RHEB: variants seen among roughly 807,000 people sequenced by gnomAD.
The protein encoded by RHEB is GTP-binding protein Rheb.
RHEB carries 2 observed loss-of-function variants against 28.8 expected under a neutral mutation model. The ratio of observed to expected loss-of-function variants is 0.07; its 90% CI spans 0.03 to 0.22. The LOEUF (loss-of-function observed/expected upper bound fraction) is 0.22, where lower values mean the gene tolerates loss of function less well. Among genes scored for constraint, RHEB ranks in the 10% least tolerant of loss-of-function variants. The probability of loss-of-function intolerance (pLI) is 1.00; values close to 1 mark genes in which losing one functional copy is unlikely to be tolerated. For synonymous variants in RHEB, 69 were observed against 77.3 expected (o/e 0.89, Z 0.56); for missense variants, 76 against 219.9 (o/e 0.35, Z 4.14).
chr7:151,499,099 G>T (rs1435581080), intron 1 of RHEB, among the ~76,000 whole-genome samples: 1 of 152,234 alleles, frequency 6.6e-6, no homozygotes, highest in African/African-American at 2.4e-5. Flanking sequence ...AGACACAGTG[G>T]CTTAGGCTTG....
intron 2 of RHEB, among the ~76,000 whole-genome samples, chr7:151,490,725 C>T (rs1802565424): frequency 1.3e-5 from 2 of 152,166 alleles, no homozygotes. Flanking sequence ...CAGACTCCTA[C>T]TGACTTGAAT....
intron 1 of RHEB, among the ~76,000 whole-genome samples, chr7:151,497,387 C>G (rs2299966): frequency 0.017 from 2,579 of 152,240 alleles, 56 homozygotes; most frequent in East Asian, 0.12. Context: ...AACAAGCCCC[C>G]TAGGTGATTC....
At chr7:151,467,318 G>C in intron 7 of RHEB, 107 bp from the exon 8 acceptor site, 2 of 788,220 alleles carry the variant, frequency 2.5e-6, no homozygotes, top group Non-Finnish European at 4.4e-6. Context: ...CCTACTGGTG[G>C]AGGAGGAGGG....
At position 151,512,038 on chromosome 7, in the gene RHEB, G is replaced by C. The variant is rs143828634; in HGVS notation, c.52+7422C>G. On this transcript the variant is annotated intron_variant, in intron 1 of 7. Transcript: ENST00000262187. ...CAGTTAGCAAGAATGACGTGACGAA[G>C]ATAGACCGTGAGTACTGTATCAATG... is the stretch of plus-strand genomic sequence containing the variant. Among the ~76,000 whole-genome samples, 544 of 152,318 alleles carry C rather than the reference G, an allele frequency of 3.6e-3. 2 individuals are homozygous for C. The highest frequency in any genetic ancestry group is 0.013 in the African/African-American group (526 of 41,582).
chr7:151,477,004 T>G (rs1259564645), intron 4 of RHEB, among the ~76,000 whole-genome samples: 1 of 152,246 alleles, frequency 6.6e-6, no homozygotes, highest in African/African-American at 2.4e-5. Flanking sequence ...GAAAGTCTAT[T>G]TCACCTTAAT....
chr7:151,470,664 A>G lies in RHEB; in HGVS notation c.381-12T>C. On this transcript the variant is annotated splice_polypyrimidine_tract_variant and intron_variant, in intron 6 of 7. Transcript: ENST00000262187. Reference sequence around the variant, plus strand: ...CATAACTGATCACCCTAAAGAAAAAATAAAATTCTAGTTAAAGTACTTTGC... The same window carrying G: ...CATAACTGATCACCCTAAAGAAAAAGTAAAATTCTAGTTAAAGTACTTTGC... 6.4e-7 allele frequency: 1 copy of G among 1,573,440 alleles called. No individual in the cohort carries two copies.
At chr7:151,484,326 A>G (rs1189137341) in intron 3 of RHEB, among the ~76,000 whole-genome samples, 2 of 152,246 alleles carry the variant, frequency 1.3e-5, no homozygotes, top group Admixed American at 1.3e-4. Flanking sequence ...CTATCCTGTA[A>G]TAAGTATTAA....
chr7:151,486,057 T>C (rs1052667310), intron 2 of RHEB, among the ~76,000 whole-genome samples: 10 of 152,218 alleles, frequency 6.6e-5, no homozygotes, highest in Admixed American at 3.3e-4. Flanking sequence ...CAGATTTGTT[T>C]TTACACCTTA....
rs1803031700 is a variant in RHEB at position 151,513,871 on chromosome 7, G to A, written c.52+5589C>T. Among the ~76,000 whole-genome samples, 4 of 152,264 alleles carry A rather than the reference G, an allele frequency of 2.6e-5. No homozygotes were observed. In the South Asian group the frequency reaches 8.3e-4, roughly 32 times the overall value. ...AACCGTGAAACACCTTATCAAAATT[G>A]CAGTTGCTTTTTTGGCAGAAACTGG... On this transcript the variant is annotated intron_variant, in intron 1 of 7. Coordinates refer to ENST00000262187, the MANE Select transcript of RHEB (RefSeq NM_005614.4).
intron 4 of RHEB, 61 bp from the exon 5 acceptor site, chr7:151,471,666 T>G: frequency 9.2e-7 from 1 of 1,083,840 alleles, no homozygotes. Context: ...TAAATGTATG[T>G]TATGTTGCCA....
chr7:151,471,210 GCT>G (rs1200803654), intron 6 of RHEB, among the ~76,000 whole-genome samples, 182 bp downstream of exon 6: 4 of 152,166 alleles, frequency 2.6e-5, no homozygotes, highest in African/African-American at 9.7e-5. Flanking sequence ...TATAAAGTTT[GCT>G]CTCTCTTTTC....
intron 1 of RHEB, among the ~76,000 whole-genome samples, chr7:151,510,647 T>C (rs1464022089): frequency 6.6e-6 from 1 of 152,204 alleles, no homozygotes; most frequent in African/African-American, 2.4e-5. Flanking sequence ...TTTATTCAAA[T>C]GCTTAATGAA....
Position 151,516,391 on chromosome 7 carries a change from G to A in RHEB, c.52+3069C>T, listed in dbSNP as rs573454307. On this transcript the variant is annotated intron_variant, in intron 1 of 7. Coordinates refer to ENST00000262187, the MANE Select transcript of RHEB (RefSeq NM_005614.4). ...TGTAATCCCAGCACTTAGGGAGGCC[G>A]AGGCAGGTGGATCACGAGGTCAGGA... Among the ~76,000 whole-genome samples, 319 of 152,128 alleles carry A rather than the reference G, an allele frequency of 2.1e-3. 1 individual carries two copies. The highest frequency in any genetic ancestry group is 7.2e-3 in the African/African-American group (300 of 41,486).
chr7:151,483,104 T>C (rs1338573931), intron 3 of RHEB, among the ~76,000 whole-genome samples: 1 of 152,186 alleles, frequency 6.6e-6, no homozygotes, highest in Non-Finnish European at 1.5e-5. Context: ...AGGAGGCACA[T>C]GCTATAGCTC....
At position 151,489,011 on chromosome 7, in the gene RHEB, G is replaced by C. The variant is rs551164880; in HGVS notation, c.124+1932C>G. ...GCTGGAGTACAGTGACATGATTACA[G>C]ATCACTGCAGCCTCAAACTCCTGGG... On this transcript the variant is annotated intron_variant, in intron 2 of 7. Transcript: ENST00000262187. 5.9e-5 allele frequency among the ~76,000 whole-genome samples: 9 copies of C among 152,264 alleles called. No individual in the cohort carries two copies. The East Asian group carries it at 1.7e-3, about 29-fold the overall frequency.
At chr7:151,498,469 A>C (rs1183858384) in intron 1 of RHEB, among the ~76,000 whole-genome samples, 4 of 151,312 alleles carry the variant, frequency 2.6e-5, no homozygotes, top group Non-Finnish European at 5.9e-5. Context: ...AAAAAAATAC[A>C]AAAAAAAATT....
At chr7:151,513,742 A>G (rs1445191942) in intron 1 of RHEB, among the ~76,000 whole-genome samples, 1 of 152,236 alleles carries the variant, frequency 6.6e-6, no homozygotes, top group Non-Finnish European at 1.5e-5. Flanking sequence ...AACTACCTGA[A>G]AAACTATTCA....
At chr7:151,514,446 G>A (rs1029480768) in intron 1 of RHEB, among the ~76,000 whole-genome samples, 1 of 152,022 alleles carries the variant, frequency 6.6e-6, no homozygotes, top group Non-Finnish European at 1.5e-5. Flanking sequence ...ACAGACAGGA[G>A]AAATTATTTG....
At chr7:151,488,433 A>G (rs1443184484) in intron 2 of RHEB, among the ~76,000 whole-genome samples, 1 of 152,236 alleles carries the variant, frequency 6.6e-6, no homozygotes, top group Non-Finnish European at 1.5e-5. Flanking sequence ...AGATCTACAG[A>G]GCAGTTTTTT....
Sources: allele counts gnomAD v4.1 joint callset (sites outside exome capture counted in the v4.1 genomes callset), GRCh38; gene constraint gnomAD v4.1.1; transcripts MANE v1.5; gene names NCBI Gene and HGNC (gene_info 2026-07-23, HGNC 2026-07-21).